ATP9B: variants seen among roughly 807,000 people sequenced by gnomAD.
The protein encoded by ATP9B is probable phospholipid-transporting ATPase IIB.
In ATP9B, 110 loss-of-function variants were observed where a neutral mutation model predicts 146.1. The ratio of observed to expected loss-of-function variants is 0.75; its 90% CI spans 0.65 to 0.88. ATP9B has a LOEUF of 0.88. ATP9B is among the 40% of genes least tolerant of loss of function. The pLI is 0.00. For synonymous variants in ATP9B, 604 were observed against 569.7 expected, an observed-to-expected ratio of 1.06 and a Z score of -0.86; for missense variants, 1,499 against 1,496.4, an observed-to-expected ratio of 1.00 and a Z score of -0.03.
rs141565114 is a variant in ATP9B at position 79,077,502 on chromosome 18, T to C, written c.119+7973T>C. On this transcript the variant is annotated intron_variant, in intron 1 of 29. Coordinates refer to ENST00000426216, the MANE Select transcript of ATP9B (RefSeq NM_198531.5). ...TTTAGAAGGTGGTTAGATTTTCCAC[T>C]TTTCACTAGGCCTCCTCTGACATTA... 4.9e-3 allele frequency among the ~76,000 whole-genome samples: 743 copies of C among 152,316 alleles called. 5 individuals are homozygous for C. Among genetic ancestry groups the C allele is most frequent in the South Asian group, 0.025 (119 of 4,832 alleles).
chr18:79,098,111 CA>C, intron 2 of ATP9B, among the ~76,000 whole-genome samples: 1 of 151,690 alleles, frequency 6.6e-6, no homozygotes. Context: ...TGATCTTTGA[CA>C]AACCTGAGAA....
At chr18:79,303,555 C>T in intron 13 of ATP9B, 49 bp from the exon 14 acceptor site, 3 of 1,488,984 alleles carry the variant, frequency 2.0e-6, no homozygotes, top group Non-Finnish European at 2.8e-6. Flanking sequence ...CTGGGTGTTC[C>T]CGCAGGCCTC....
At chr18:79,351,190 T>G (rs1216054070) in intron 25 of ATP9B, among the ~76,000 whole-genome samples, 3 of 152,264 alleles carry the variant, frequency 2.0e-5, no homozygotes, top group Non-Finnish European at 4.4e-5. Flanking sequence ...TTCTTTCATA[T>G]TTTAAAAATC....
At chr18:79,170,135 C>A (rs1225299643) in intron 7 of ATP9B, among the ~76,000 whole-genome samples, 2 of 152,178 alleles carry the variant, frequency 1.3e-5, no homozygotes, top group African/African-American at 2.4e-5. Context: ...ACCTTGGCTG[C>A]CAAGGTAGGG....
chr18:79,375,912 A>T (rs2148051787), intron 29 of ATP9B: 1 of 985,378 alleles, frequency 1.0e-6, no homozygotes, highest in South Asian at 4.7e-5. Flanking sequence ...TGTAGATTCG[A>T]AGTATGTAAA....
chr18:79,119,618 A>G (rs540858780), intron 4 of ATP9B, among the ~76,000 whole-genome samples: 28 of 152,206 alleles, frequency 1.8e-4, no homozygotes, highest in Admixed American at 9.2e-4. Flanking sequence ...TTCCATTTGA[A>G]TAATGCTTGA....
intron 8 of ATP9B, among the ~76,000 whole-genome samples, chr18:79,179,070 A>G (rs1388307636): frequency 3.3e-5 from 5 of 152,168 alleles, no homozygotes; most frequent in African/African-American, 7.2e-5. Context: ...TTCATTGGAA[A>G]TTTGTGTTTT....
intron 17 of ATP9B, among the ~76,000 whole-genome samples, chr18:79,333,581 G>A (rs531520817): frequency 6.6e-6 from 1 of 152,244 alleles, no homozygotes; most frequent in East Asian, 1.9e-4. Context: ...TAGCTGTAAC[G>A]TAGAGCTTTA....
At chr18:79,314,401 C>T (rs2096668476) in intron 15 of ATP9B, among the ~76,000 whole-genome samples, 2 of 152,174 alleles carry the variant, frequency 1.3e-5, no homozygotes, top group Non-Finnish European at 2.9e-5. Flanking sequence ...TTTCTCCTTA[C>T]CTACACATGT....
At position 79,314,597 on chromosome 18, in the gene ATP9B, G is replaced by A. The variant is rs190682741; in HGVS notation, c.1773+7363G>A. On this transcript the variant is annotated intron_variant, in intron 15 of 29. Coordinates refer to ENST00000426216, the MANE Select transcript of ATP9B (RefSeq NM_198531.5). ...TGTCAAAGTGTAAATAACTGATTTC[G>A]TATTCATAATGTGGAACCTACTTAT... Among the ~76,000 whole-genome samples, 10 of 152,290 alleles carry A rather than the reference G, an allele frequency of 6.6e-5. 1 individual carries two copies. The highest frequency in any genetic ancestry group is 2.1e-4 in the South Asian group (1 of 4,834).
At chr18:79,164,970 G>A (rs979989362) in intron 7 of ATP9B, among the ~76,000 whole-genome samples, 13 of 152,260 alleles carry the variant, frequency 8.5e-5, no homozygotes, top group Non-Finnish European at 8.8e-5. Context: ...AATGTTCTGT[G>A]GAAAGGGTGG....
intron 12 of ATP9B, among the ~76,000 whole-genome samples, chr18:79,263,865 A>C (rs926444381): frequency 6.6e-6 from 1 of 152,190 alleles, no homozygotes; most frequent in African/African-American, 2.4e-5. Flanking sequence ...CGGGTGGATC[A>C]CGAGGTCAGG....
chr18:79,216,221 T>C (rs957733219), intron 11 of ATP9B, among the ~76,000 whole-genome samples: 3 of 152,242 alleles, frequency 2.0e-5, no homozygotes, highest in Non-Finnish European at 4.4e-5. Context: ...TCTTCCCATC[T>C]ATACACCTGT....
At chr18:79,121,501 A>G (rs2094189290) in intron 4 of ATP9B, among the ~76,000 whole-genome samples, 1 of 152,328 alleles carries the variant, frequency 6.6e-6, no homozygotes, top group African/African-American at 2.4e-5. Flanking sequence ...TAAACCACCA[A>G]TCTGTAATGA....
chr18:79,277,086 T>C lies in ATP9B; in HGVS notation c.1301T>C (p.Val434Ala). The C allele has an allele frequency of 6.2e-7, 1 of 1,614,122 alleles. No homozygotes were observed. Among genetic ancestry groups the C allele is most frequent in the South Asian group, 1.1e-5 (1 of 91,078 alleles). The change falls in exon 13 of 30, where the codon GTG (valine) becomes GCG (alanine). Residue 434 changes from valine to alanine, a missense_variant. Physicochemically the swap from Val to Ala is moderately conservative, Grantham distance 64. Coordinates refer to ENST00000426216, the MANE Select transcript of ATP9B (RefSeq NM_198531.5). ...GTGAACTTGGACATGGGCAAAGCGG[T>C]GTATGGATGGATGATGATGAAAGAT... Reference protein sequence around the residue: ...LRVNLDMGKAVYGWMMMKDEN... With the variant: ...LRVNLDMGKAAYGWMMMKDEN...
intron 1 of ATP9B, among the ~76,000 whole-genome samples, chr18:79,094,912 C>T (rs1332293077): frequency 1.3e-5 from 2 of 152,278 alleles, no homozygotes; most frequent in African/African-American, 2.4e-5. Flanking sequence ...CATGTACACT[C>T]GGCCACTGCA....
At chr18:79,113,536 T>C (rs2094010409) in intron 4 of ATP9B, among the ~76,000 whole-genome samples, 182 bp downstream of exon 4, 1 of 152,206 alleles carries the variant, frequency 6.6e-6, no homozygotes, top group African/African-American at 2.4e-5. Context: ...ATGGGAAGTA[T>C]GGTGGCAGCA....
At chr18:79,199,789 GAC>G (rs374554863) in intron 9 of ATP9B, among the ~76,000 whole-genome samples, 2 of 149,050 alleles carry the variant, frequency 1.3e-5, no homozygotes, top group Admixed American at 6.7e-5. Context: ...GAAAAATGCA[GAC>G]ACACACACAC....
chr18:79,172,049 C>T (rs529801626), intron 7 of ATP9B, among the ~76,000 whole-genome samples: 4 of 152,242 alleles, frequency 2.6e-5, no homozygotes, highest in South Asian at 2.1e-4. Flanking sequence ...CCACCATACC[C>T]GGCTAATTTT....
Sources: gnomAD v4.1 joint callset for allele counts (sites outside exome capture counted in the v4.1 genomes callset) on GRCh38, gnomAD v4.1.1 for gene constraint, MANE v1.5 for transcripts, NCBI Gene and HGNC (gene_info 2026-07-23, HGNC 2026-07-21) for gene names.